ELMOD2: variants seen among roughly 807,000 people sequenced by gnomAD.
The protein encoded by ELMOD2 is ELMO domain-containing protein 2.
ELMOD2 carries 28 observed loss-of-function variants against 41.0 expected under a neutral mutation model. The observed-to-expected ratio is 0.68, with a 90% CI of 0.51 to 0.94. The LOEUF is 0.94. ELMOD2 is among the 40% of genes least tolerant of loss of function. The pLI, the probability that ELMOD2 is intolerant of heterozygous loss-of-function variation, is 0.00. For missense variants in ELMOD2, 333 were observed against 343.1 expected (o/e 0.97, Z 0.23); for synonymous variants, 106 against 107.2 (o/e 0.99, Z 0.07).
chr4:140,531,536 G>T (rs1349337700), intron 3 of ELMOD2, among the ~76,000 whole-genome samples: 1 of 152,202 alleles, frequency 6.6e-6, no homozygotes, highest in Non-Finnish European at 1.5e-5. Flanking sequence ...CAATCTATTG[G>T]TGTTTTTGGT....
rs1735463843 is a variant in ELMOD2 at position 140,551,212 on chromosome 4, A to G, written c.*837A>G. The G allele has an allele frequency of 6.6e-6, 1 of 152,134 alleles. No homozygotes were observed. The allele number at this position is 152,134 out of a possible 1,614,324, so 9.4% of individuals were successfully genotyped here. A position where few individuals can be genotyped will look rare whatever the true frequency, so the allele number is the denominator to read the frequency against. On this transcript the variant is annotated 3_prime_UTR_variant, in exon 9 of 9. Transcript: ENST00000323570. ...TTTACGAAAAGAGATGTATTTGCCA[A>G]GAAAATCTTGATTATATAAAAGACA...
chr4:140,538,309 C>T (rs942198050), intron 5 of ELMOD2, among the ~76,000 whole-genome samples: 1 of 152,158 alleles, frequency 6.6e-6, no homozygotes, highest in Non-Finnish European at 1.5e-5. Flanking sequence ...ATTTTAAAAT[C>T]GTTAAAGAAA....
chr4:140,545,586 G>A (rs538852458), intron 8 of ELMOD2, among the ~76,000 whole-genome samples: 1 of 152,236 alleles, frequency 6.6e-6, no homozygotes, highest in African/African-American at 2.4e-5. Flanking sequence ...TAAATGGAGG[G>A]AACAGATTTC....
At chr4:140,534,414 A>G (rs1253727542) in intron 3 of ELMOD2, among the ~76,000 whole-genome samples, 1 of 152,188 alleles carries the variant, frequency 6.6e-6, no homozygotes, top group Non-Finnish European at 1.5e-5. Context: ...GAAAAGGGGC[A>G]TAAACGAACT....
At chr4:140,546,313 A>G (rs892436627) in intron 8 of ELMOD2, among the ~76,000 whole-genome samples, 9 of 151,846 alleles carry the variant, frequency 5.9e-5, no homozygotes, top group African/African-American at 2.2e-4. Context: ...AGAAAGGGGA[A>G]TATCACACAC....
intron 3 of ELMOD2, among the ~76,000 whole-genome samples, chr4:140,528,736 A>G (rs1179255554): frequency 7.9e-5 from 12 of 152,180 alleles, no homozygotes; most frequent in Admixed American, 7.9e-4. Context: ...AGGTACTTTA[A>G]TGATTTAGTT....
chr4:140,536,452 C>T (rs1385906393), intron 4 of ELMOD2, among the ~76,000 whole-genome samples: 1 of 152,144 alleles, frequency 6.6e-6, no homozygotes, highest in Non-Finnish European at 1.5e-5. Context: ...AGGATAGTTC[C>T]ACCCAAGAGG....
rs111902007 is a variant in ELMOD2, at chr4:140,535,859, A to C, written c.269+29A>C. 113 of 1,579,406 alleles carry C rather than the reference A, an allele frequency of 7.2e-5. 1 individual carries two copies. The African/African-American group carries it at 1.3e-3, about 18-fold the overall frequency. ...TGCGTTTTTTACATTATTCTTTTTT[A>C]TTATGCATTTATAGCCTGTGAGGTA... On this transcript the variant is annotated intron_variant, in intron 4 of 8. Transcript: ENST00000323570.
intron 3 of ELMOD2, among the ~76,000 whole-genome samples, chr4:140,534,808 C>T (rs904010693): frequency 6.6e-6 from 1 of 152,174 alleles, no homozygotes; most frequent in East Asian, 1.9e-4. Context: ...TCAGTGCTCT[C>T]TAACTGAAGT....
At chr4:140,526,988 A>C (rs1048938741) in intron 2 of ELMOD2, among the ~76,000 whole-genome samples, 1 of 152,210 alleles carries the variant, frequency 6.6e-6, no homozygotes, top group African/African-American at 2.4e-5. Context: ...TGGAGAAGCT[A>C]TTTGTCTGGT....
intron 3 of ELMOD2, 178 bp from the exon 4 acceptor site, chr4:140,535,555 A>G: frequency 1.9e-6 from 1 of 523,396 alleles, no homozygotes; most frequent in Non-Finnish European, 3.3e-6. Flanking sequence ...TTATTATAAA[A>G]CTATATATAT....
intron 8 of ELMOD2, among the ~76,000 whole-genome samples, chr4:140,547,755 C>T (rs1163994173): frequency 6.6e-6 from 1 of 152,162 alleles, no homozygotes; most frequent in Non-Finnish European, 1.5e-5. Flanking sequence ...CTATGATTTT[C>T]TAATCCTTAA....
rs1735491086 is a variant in ELMOD2 at position 140,552,382 on chromosome 4, T to C, written c.*2007T>C. 6.6e-6 allele frequency: 1 copy of C among 152,022 alleles called. No homozygotes were observed. Among genetic ancestry groups the C allele is most frequent in the African/African-American group, 2.4e-5 (1 of 41,424 alleles). The allele number at this position is 152,022 out of a possible 1,614,324, so 9.4% of individuals were successfully genotyped here. A position where few individuals can be genotyped will look rare whatever the true frequency, so the allele number is the denominator to read the frequency against. On this transcript the variant is annotated 3_prime_UTR_variant, in exon 9 of 9. Transcript: ENST00000323570. ...CTTTAAATCCACCTCCATTTGTACA[T>C]TATAGGTATCATTCTGTTTTTGCTT...
At chr4:140,547,522 G>C (rs1257254009) in intron 8 of ELMOD2, among the ~76,000 whole-genome samples, 1 of 151,828 alleles carries the variant, frequency 6.6e-6, no homozygotes, top group East Asian at 1.9e-4. Context: ...CTTCTGGTTT[G>C]GTGGTTCCAA....
chr4:140,537,431 A>T lies in ELMOD2; in HGVS notation c.289A>T (p.Met97Leu). The T allele has an allele frequency of 1.9e-6, 3 of 1,543,672 alleles. No homozygotes were observed. The highest frequency in any genetic ancestry group is 2.6e-6 in the Non-Finnish European group (3 of 1,153,068). ...KDASFKICMK[M>L]CLLQITGYKQ... ...TTTTAGTTTTAAAATATGCATGAAG[A>T]TGTGCTTACTGCAGATAACTGGTTA... is the stretch of plus-strand genomic sequence containing the variant. Residue 97 changes from methionine to leucine, a missense_variant, in exon 5 of 9, where the codon ATG becomes TTG. Met to Leu is a conservative substitution (Grantham distance 15). Coordinates refer to ENST00000323570, the MANE Select transcript of ELMOD2 (RefSeq NM_153702.4).
At chr4:140,544,047 C>T (rs1235288658) in intron 8 of ELMOD2, among the ~76,000 whole-genome samples, 1 of 152,108 alleles carries the variant, frequency 6.6e-6, no homozygotes, top group Admixed American at 6.6e-5. Flanking sequence ...TACTGAGTAA[C>T]TGTTCCTAAA....
chr4:140,548,573 A>G (rs1735365643), intron 8 of ELMOD2, among the ~76,000 whole-genome samples: 1 of 152,114 alleles, frequency 6.6e-6, no homozygotes, highest in Admixed American at 6.6e-5. Flanking sequence ...CATAGTAAGC[A>G]ATCATGATAG....
At chr4:140,530,075 G>A (rs1734697159) in intron 3 of ELMOD2, among the ~76,000 whole-genome samples, 1 of 152,150 alleles carries the variant, frequency 6.6e-6, no homozygotes, top group African/African-American at 2.4e-5. Context: ...ATAAGTAAAT[G>A]AAAATTAACT....
At chr4:140,541,479 A>G (rs2110864415) in intron 6 of ELMOD2, among the ~76,000 whole-genome samples, 1 of 152,296 alleles carries the variant, frequency 6.6e-6, no homozygotes, top group South Asian at 2.1e-4. Flanking sequence ...ATGCTGAATT[A>G]TTACAAAAAT....
Sources: gnomAD v4.1 joint callset for allele counts (sites outside exome capture counted in the v4.1 genomes callset) on GRCh38, gnomAD v4.1.1 for gene constraint, MANE v1.5 for transcripts, NCBI Gene and HGNC (gene_info 2026-07-23, HGNC 2026-07-21) for gene names.